The following EPB41L4B variants were observed in gnomAD, a reference collection of about 807,000 sequenced individuals.
EPB41L4B encodes erythrocyte membrane protein band 4.1 like 4B, also known as band 4.1-like protein 4B.
EPB41L4B carries 30 observed loss-of-function variants against 112.5 expected under a neutral mutation model. The observed-to-expected ratio is 0.27, with a 90% CI of 0.20 to 0.36. EPB41L4B has a LOEUF of 0.36. EPB41L4B is among the 10% of genes least tolerant of loss of function. The probability of loss-of-function intolerance (pLI) is 1.00; values close to 1 mark genes in which losing one functional copy is unlikely to be tolerated. For missense variants in EPB41L4B, 1,024 were observed against 1,133.3 expected, an observed-to-expected ratio of 0.90 and a Z score of 1.38; for synonymous variants, 408 against 439.7, an observed-to-expected ratio of 0.93 and a Z score of 0.90.
At chr9:109,311,969 G>A (rs568802372) in intron 1 of EPB41L4B, among the ~76,000 whole-genome samples, 1 of 152,164 alleles carries the variant, frequency 6.6e-6, no homozygotes, top group Non-Finnish European at 1.5e-5. Flanking sequence ...GCTGCCTGAC[G>A]CGTAAGTGAT....
At chr9:109,201,284 T>C (rs1832815171) in intron 19 of EPB41L4B, among the ~76,000 whole-genome samples, 1 of 151,644 alleles carries the variant, frequency 6.6e-6, no homozygotes. Context: ...TACCCGTTTC[T>C]ACAAAAAAAT....
intron 21 of EPB41L4B, among the ~76,000 whole-genome samples, chr9:109,193,905 T>C (rs1461759933): frequency 6.6e-6 from 1 of 152,234 alleles, no homozygotes; most frequent in Non-Finnish European, 1.5e-5. Flanking sequence ...CATTTCTCTC[T>C]TTCTATCTTT....
intron 15 of EPB41L4B, 56 bp downstream of exon 15, chr9:109,243,562 T>C: frequency 6.4e-7 from 1 of 1,566,736 alleles, no homozygotes; most frequent in Non-Finnish European, 8.8e-7. Context: ...GAATCTGAAC[T>C]TTTCTAGAGA....
intron 1 of EPB41L4B, among the ~76,000 whole-genome samples, chr9:109,297,659 G>A (rs1189085615): frequency 6.6e-6 from 1 of 152,228 alleles, no homozygotes. Flanking sequence ...GGCAATCAGA[G>A]GCCTCGCTGC....
chr9:109,196,516 G>A (rs545125366), intron 20 of EPB41L4B, among the ~76,000 whole-genome samples: 39 of 152,172 alleles, frequency 2.6e-4, no homozygotes, highest in Middle Eastern at 6.8e-3. Flanking sequence ...ACAGGAGTCC[G>A]AGACCAGCCT....
At chr9:109,195,664 C>G (rs1190136509) in intron 20 of EPB41L4B, among the ~76,000 whole-genome samples, 1 of 152,160 alleles carries the variant, frequency 6.6e-6, no homozygotes, top group Non-Finnish European at 1.5e-5. Flanking sequence ...GTTCGCAAAG[C>G]TAGTTAAGTG....
intron 15 of EPB41L4B, among the ~76,000 whole-genome samples, chr9:109,219,118 C>G (rs935256268): frequency 1.3e-5 from 2 of 152,198 alleles, no homozygotes; most frequent in African/African-American, 4.8e-5. Flanking sequence ...AAACCCCATT[C>G]CTTGTGTTTG....
At chr9:109,202,587 G>A (rs148153539) in intron 19 of EPB41L4B, among the ~76,000 whole-genome samples, 136 of 152,306 alleles carry the variant, frequency 8.9e-4, no homozygotes, top group African/African-American at 3.1e-3. Flanking sequence ...TAAACCACCA[G>A]GTGGCAATGA....
intron 18 of EPB41L4B, among the ~76,000 whole-genome samples, chr9:109,205,680 T>C (rs1832969898): frequency 6.6e-6 from 1 of 152,212 alleles, no homozygotes; most frequent in Non-Finnish European, 1.5e-5. Context: ...CCCAGCAATT[T>C]CATCACGCCA....
chr9:109,282,122 G>C (rs1313208853), intron 1 of EPB41L4B, among the ~76,000 whole-genome samples: 1 of 152,118 alleles, frequency 6.6e-6, no homozygotes, highest in African/African-American at 2.4e-5. Flanking sequence ...ATTATGCTAA[G>C]TGAAAAAAGC....
rs1835671504 is a variant in EPB41L4B, at chr9:109,272,768, G to C, written c.412-4335C>G. Among the ~76,000 whole-genome samples the C allele has an allele frequency of 3.3e-5, 5 of 152,104 alleles. 1 individual carries two copies. The South Asian group carries it at 1.0e-3, about 32-fold the overall frequency. ...ACCCTATCTCAAATACATATATATA[G>C]TTTGTGTTTAAACTAGAGCTGGAAG... On this transcript the variant is annotated intron_variant, in intron 2 of 25. Transcript: ENST00000374566.
chr9:109,207,836 A>G (rs1833036307), intron 18 of EPB41L4B, 88 bp downstream of exon 18: 3 of 1,505,648 alleles, frequency 2.0e-6, no homozygotes, highest in Admixed American at 3.6e-5. Context: ...CTGACACAGC[A>G]TCTCAGTCCT....
chr9:109,185,510 G>T lies in EPB41L4B; in HGVS notation c.2397C>A (p.Tyr799Ter), dbSNP rs756236509. The stretch of plus-strand genomic sequence containing the variant: ...CTACCAGCCTCGTTTTGATTGGAGG[G>T]TACATGCAAACTCCAGTGGTCTCTT... ...MKEETTGVCM[Y>*]PPIKTRLIKT... The change falls in exon 23 of 26, where the codon TAC becomes TAA. Residue 799 changes from tyrosine to a stop codon, truncating the protein, a stop_gained. Coordinates refer to ENST00000374566, the MANE Select transcript of EPB41L4B (RefSeq NM_019114.5). LOFTEE classifies it high-confidence loss of function. 6.2e-7 allele frequency: 1 copy of T among 1,613,810 alleles called. No homozygotes were observed. Among genetic ancestry groups the T allele is most frequent in the Non-Finnish European group, 8.5e-7 (1 of 1,179,882 alleles).
chr9:109,248,035 C>A (rs1834628433), intron 13 of EPB41L4B, among the ~76,000 whole-genome samples: 1 of 152,166 alleles, frequency 6.6e-6, no homozygotes. Context: ...GGAAATATTC[C>A]AGAATGCAGT....
chr9:109,303,890 T>C (rs1050551169), intron 1 of EPB41L4B, among the ~76,000 whole-genome samples: 1 of 152,186 alleles, frequency 6.6e-6, no homozygotes, highest in Non-Finnish European at 1.5e-5. Flanking sequence ...TTTCCCATTA[T>C]GTTTTTTCCC....
At chr9:109,198,557 T>C (rs1832719405) in intron 20 of EPB41L4B, among the ~76,000 whole-genome samples, 1 of 152,142 alleles carries the variant, frequency 6.6e-6, no homozygotes, top group East Asian at 1.9e-4. Flanking sequence ...CTGCAGTTAC[T>C]CTCTGACCAA....
chr9:109,267,091 CAA>C (rs1458037245), intron 4 of EPB41L4B, among the ~76,000 whole-genome samples: 1 of 150,764 alleles, frequency 6.6e-6, no homozygotes, highest in Non-Finnish European at 1.5e-5. Flanking sequence ...TTGTAACAAT[CAA>C]GAGAATATTT....
At chr9:109,191,507 G>A (rs1195075845) in intron 22 of EPB41L4B, among the ~76,000 whole-genome samples, 1 of 152,166 alleles carries the variant, frequency 6.6e-6, no homozygotes, top group Non-Finnish European at 1.5e-5. Context: ...GGTGCAAGCA[G>A]AGGCTGGACA....
intron 20 of EPB41L4B, among the ~76,000 whole-genome samples, chr9:109,199,009 T>C (rs541616871): frequency 1.4e-4 from 21 of 152,198 alleles, no homozygotes; most frequent in Non-Finnish European, 2.4e-4. Context: ...ACAGCAATTA[T>C]CTTTCTGCTT....
Sources: allele counts gnomAD v4.1 joint callset (sites outside exome capture counted in the v4.1 genomes callset), GRCh38; gene constraint gnomAD v4.1.1; transcripts MANE v1.5; gene names NCBI Gene and HGNC (gene_info 2026-07-23, HGNC 2026-07-21).